The following NPAS3 variants were observed in gnomAD, a reference collection of about 807,000 sequenced individuals.
NPAS3 encodes neuronal PAS domain-containing protein 3.
A neutral mutation model predicts 73.1 loss-of-function variants in NPAS3; 14 were observed. The observed-to-expected ratio is 0.19, with a 90% CI of 0.13 to 0.30. NPAS3 has a LOEUF of 0.30. Among genes scored for constraint, NPAS3 ranks in the 10% least tolerant of loss-of-function variants. The pLI, the probability that NPAS3 is intolerant of heterozygous loss-of-function variation, is 1.00. For synonymous variants in NPAS3, 620 were observed against 541.5 expected (o/e 1.14, Z -2.01); for missense variants, 1,096 against 1,250.0 (o/e 0.88, Z 1.86).
intron 3 of NPAS3, among the ~76,000 whole-genome samples, chr14:33,356,769 AT>A (rs2045355570): frequency 6.6e-6 from 1 of 152,198 alleles, no homozygotes; most frequent in Admixed American, 6.5e-5. Context: ...ATATTGTCTT[AT>A]GAAGAGGGTT....
intron 2 of NPAS3, among the ~76,000 whole-genome samples, chr14:33,202,714 T>C (rs922583466): frequency 6.6e-6 from 1 of 152,006 alleles, no homozygotes; most frequent in Admixed American, 6.5e-5. Context: ...TGTCTTTTTT[T>C]TTTTTGAAAA....
intron 2 of NPAS3, among the ~76,000 whole-genome samples, chr14:33,081,249 A>G (rs1290708145): frequency 1.3e-5 from 2 of 152,200 alleles, no homozygotes; most frequent in African/African-American, 4.8e-5. Context: ...ATACTCTGCA[A>G]ATGGTAGATG....
At chr14:33,612,880 G>A (rs972684666) in intron 5 of NPAS3, among the ~76,000 whole-genome samples, 4 of 152,024 alleles carry the variant, frequency 2.6e-5, no homozygotes, top group African/African-American at 7.2e-5. Flanking sequence ...AGAAAGTACC[G>A]GGGTTTCTTA....
chr14:33,649,763 T>C (rs1241775384), intron 5 of NPAS3, among the ~76,000 whole-genome samples: 1 of 152,034 alleles, frequency 6.6e-6, no homozygotes, highest in African/African-American at 2.4e-5. Flanking sequence ...ATCAGAAAAC[T>C]CTAAGAAACA....
chr14:33,493,463 C>T (rs571272466), intron 4 of NPAS3, among the ~76,000 whole-genome samples: 25 of 152,068 alleles, frequency 1.6e-4, no homozygotes, highest in African/African-American at 5.5e-4. Flanking sequence ...TTCAGTTCAA[C>T]GACAGGCAGA....
intron 7 of NPAS3, among the ~76,000 whole-genome samples, chr14:33,771,425 T>A (rs2062648280): frequency 6.6e-6 from 1 of 152,210 alleles, no homozygotes; most frequent in East Asian, 1.9e-4. Flanking sequence ...TTCTTTTTAG[T>A]TTATATTACT....
chr14:33,305,004 G>C (rs571724712), intron 3 of NPAS3, among the ~76,000 whole-genome samples: 32 of 152,220 alleles, frequency 2.1e-4, no homozygotes, highest in African/African-American at 6.5e-4. Context: ...TGGTGTGGGT[G>C]TGTCTTGAGG....
In NPAS3 at chr14:33,649,292, G is replaced by A. The variant is rs545913756; in HGVS notation, c.559-26919G>A. Among the ~76,000 whole-genome samples, 13 of 152,346 alleles carry A rather than the reference G, an allele frequency of 8.5e-5. No individual in the cohort carries two copies. In the East Asian group the frequency reaches 2.5e-3, roughly 29 times the overall value. ...AGGCACTTACAGCAGCTGGCCAGAT[G>A]TCTTCACCTCAAAAAGACGGTTTCA... On this transcript the variant is annotated intron_variant, in intron 5 of 11. Transcript: ENST00000356141.
At chr14:33,512,438 C>T (rs1041254571) in intron 4 of NPAS3, among the ~76,000 whole-genome samples, 1 of 151,928 alleles carries the variant, frequency 6.6e-6, no homozygotes, top group Admixed American at 6.6e-5. Flanking sequence ...ACATTAGTCA[C>T]GTATTTTACT....
chr14:33,647,439 C>T (rs1411094897), intron 5 of NPAS3, among the ~76,000 whole-genome samples: 1 of 152,068 alleles, frequency 6.6e-6, no homozygotes, highest in African/African-American at 2.4e-5. Context: ...CCTTCTGTTT[C>T]TTACTGTATT....
At chr14:33,704,803 T>C (rs1237092173) in intron 6 of NPAS3, among the ~76,000 whole-genome samples, 1 of 152,238 alleles carries the variant, frequency 6.6e-6, no homozygotes, top group Non-Finnish European at 1.5e-5. Context: ...ATTTTCAGCA[T>C]GCATTTTTGA....
chr14:33,242,220 CAAAT>C (rs2048233764), intron 3 of NPAS3, among the ~76,000 whole-genome samples: 1 of 151,992 alleles, frequency 6.6e-6, no homozygotes, highest in African/African-American at 2.4e-5. Context: ...GAATAAAAAA[CAAAT>C]AATGCAAGAT....
At chr14:33,461,423 G>A (rs2050260133) in intron 4 of NPAS3, among the ~76,000 whole-genome samples, 1 of 152,112 alleles carries the variant, frequency 6.6e-6, no homozygotes, top group African/African-American at 2.4e-5. Flanking sequence ...TTCATTCATG[G>A]CATTCTACAG....
intron 3 of NPAS3, among the ~76,000 whole-genome samples, chr14:33,295,432 C>T (rs1594623669): frequency 6.6e-6 from 1 of 152,316 alleles, no homozygotes. Flanking sequence ...TCTAGCTCCA[C>T]TTTGTCTTCC....
At chr14:33,371,577 A>G (rs1055077954) in intron 4 of NPAS3, among the ~76,000 whole-genome samples, 4 of 152,152 alleles carry the variant, frequency 2.6e-5, no homozygotes, top group African/African-American at 9.7e-5. Context: ...ATTAATGGCT[A>G]AATGCCATTC....
intron 5 of NPAS3, among the ~76,000 whole-genome samples, chr14:33,640,253 T>A (rs1250517930): frequency 3.3e-5 from 5 of 152,168 alleles, no homozygotes; most frequent in African/African-American, 9.7e-5. Flanking sequence ...GATGCCCTCT[T>A]CTTGCTCCCT....
intron 2 of NPAS3, among the ~76,000 whole-genome samples, chr14:33,063,793 C>A (rs1472912762): frequency 2.6e-5 from 4 of 152,182 alleles, no homozygotes; most frequent in Admixed American, 1.3e-4. Context: ...AAACACTAAT[C>A]ATGGTGCTTG....
chr14:33,665,190 G>T (rs2059418959), intron 5 of NPAS3, among the ~76,000 whole-genome samples: 1 of 152,292 alleles, frequency 6.6e-6, no homozygotes, highest in African/African-American at 2.4e-5. Context: ...AAAAGGATGA[G>T]TTCATGTCCT....
intron 1 of NPAS3, among the ~76,000 whole-genome samples, chr14:32,959,917 A>G (rs576123895): frequency 7.2e-5 from 11 of 152,168 alleles, no homozygotes; most frequent in African/African-American, 2.2e-4. Flanking sequence ...TGGCATAAAC[A>G]TTCTATGAAT....
Sources: gnomAD v4.1 joint callset for allele counts (sites outside exome capture counted in the v4.1 genomes callset) on GRCh38, gnomAD v4.1.1 for gene constraint, MANE v1.5 for transcripts, NCBI Gene and HGNC (gene_info 2026-07-23, HGNC 2026-07-21) for gene names.